The following ANO1 variants were observed in gnomAD, a reference collection of about 807,000 sequenced individuals.
ANO1 encodes the protein anoctamin-1.
In ANO1, 59 loss-of-function variants were observed where a neutral mutation model predicts 124.0. The observed-to-expected ratio is 0.48, with a 90% CI of 0.39 to 0.59. The LOEUF (loss-of-function observed/expected upper bound fraction) is 0.59, where lower values mean the gene tolerates loss of function less well. ANO1 is among the 20% of genes least tolerant of loss of function. The probability of loss-of-function intolerance (pLI) is 0.00; values close to 1 mark genes in which losing one functional copy is unlikely to be tolerated. For missense variants in ANO1, 1,059 were observed against 1,328.0 expected (o/e 0.80, Z 3.15); for synonymous variants, 529 against 532.0 (o/e 0.99, Z 0.08).
intron 1 of ANO1, among the ~76,000 whole-genome samples, chr11:70,032,503 A>C (rs1026670895): frequency 6.7e-6 from 1 of 149,786 alleles, no homozygotes; most frequent in Non-Finnish European, 1.5e-5. Flanking sequence ...GGGAGCAAAA[A>C]AGATGGGAGA....
At chr11:70,159,546 C>A (rs2047961229) in intron 16 of ANO1, among the ~76,000 whole-genome samples, 1 of 152,234 alleles carries the variant, frequency 6.6e-6, no homozygotes, top group African/African-American at 2.4e-5. Context: ...GAGTTTCATT[C>A]AGCGAACAAA....
upstream of ANO1, among the ~76,000 whole-genome samples, chr11:69,983,101 T>C (rs143287275): frequency 2.9e-3 from 440 of 152,046 alleles, 4 homozygotes; most frequent in Non-Finnish European, 4.6e-3. Context: ...CCCAGCAGCA[T>C]TGGGGAGCAG....
chr11:70,177,594 C>CTTTTTTTTTTT (rs57647858), intron 22 of ANO1, among the ~76,000 whole-genome samples: 403 of 78,874 alleles, frequency 5.1e-3, no homozygotes, highest in Non-Finnish European at 6.1e-3. Context: ...TTTTTTTTTT[C>CTTTTTTTTTTT]TTTTTTTTTT....
intron 24 of ANO1, among the ~76,000 whole-genome samples, chr11:70,183,161 T>G (rs2048993507): frequency 6.6e-6 from 1 of 152,132 alleles, no homozygotes; most frequent in Non-Finnish European, 1.5e-5. Flanking sequence ...ATTTACCAGT[T>G]CCTGTAACTA....
At chr11:70,032,536 G>C (rs1020099265) in intron 1 of ANO1, among the ~76,000 whole-genome samples, 3 of 74,656 alleles carry the variant, frequency 4.0e-5, no homozygotes, top group South Asian at 1.4e-3. Flanking sequence ...AGGCGGGAGA[G>C]GGGGGGGGTC....
intron 1 of ANO1, among the ~76,000 whole-genome samples, chr11:70,048,101 ATAT>A (rs1267526937): frequency 6.6e-6 from 1 of 152,184 alleles, no homozygotes; most frequent in Admixed American, 6.5e-5. Context: ...GTTTTATGAG[ATAT>A]TATTTTTGTC....
At chr11:70,049,485 T>G (rs377739918) in intron 1 of ANO1, among the ~76,000 whole-genome samples, 1 of 152,224 alleles carries the variant, frequency 6.6e-6, no homozygotes, top group African/African-American at 2.4e-5. Context: ...ATAGCTGGCA[T>G]GGAATAAGTG....
intron 1 of ANO1, among the ~76,000 whole-genome samples, chr11:70,068,877 G>T (rs1033809278): frequency 6.6e-6 from 1 of 152,140 alleles, no homozygotes; most frequent in Non-Finnish European, 1.5e-5. Context: ...AGTAGGGAAG[G>T]AAGGCTGTTA....
chr11:70,100,943 G>T (rs974852489), intron 2 of ANO1, among the ~76,000 whole-genome samples: 1 of 152,226 alleles, frequency 6.6e-6, no homozygotes, highest in Admixed American at 6.5e-5. Flanking sequence ...AGGCCTGAGC[G>T]GTGGTGCTGG....
chr11:70,010,054 A>G (rs1260296771), intron 1 of ANO1, among the ~76,000 whole-genome samples: 3 of 151,710 alleles, frequency 2.0e-5, no homozygotes, highest in African/African-American at 7.3e-5. Flanking sequence ...TACTTCCCTT[A>G]GAATAATGAT....
intron 1 of ANO1, among the ~76,000 whole-genome samples, chr11:70,086,297 G>A (rs1402373932): frequency 6.6e-6 from 1 of 152,138 alleles, no homozygotes. Context: ...CTTGATAACC[G>A]GCCAAACCCC....
intron 1 of ANO1, among the ~76,000 whole-genome samples, chr11:69,998,577 G>A (rs568101132): frequency 6.6e-6 from 1 of 152,250 alleles, no homozygotes; most frequent in South Asian, 2.1e-4. Context: ...ATATTTTTAT[G>A]GATGTGTGTT....
intron 1 of ANO1, among the ~76,000 whole-genome samples, chr11:70,034,932 T>C (rs1196717737): frequency 1.3e-5 from 2 of 151,232 alleles, no homozygotes; most frequent in African/African-American, 4.9e-5. Context: ...ACTATTGTTC[T>C]TGCCGCATCC....
At chr11:70,132,534 G>A (rs1056613329) in intron 11 of ANO1, among the ~76,000 whole-genome samples, 2 of 152,194 alleles carry the variant, frequency 1.3e-5, no homozygotes, top group Admixed American at 6.5e-5. Context: ...GCCCATTTTC[G>A]GATAAGGAGG....
At chr11:70,129,763 A>C (rs1205298703) in intron 10 of ANO1, 1 of 152,148 alleles carries the variant, frequency 6.6e-6, no homozygotes, top group Non-Finnish European at 1.5e-5. Flanking sequence ...AGCTGGGATT[A>C]CAGGCTGGGA....
chr11:70,032,447 C>A (rs77305107), intron 1 of ANO1, among the ~76,000 whole-genome samples: 2 of 151,798 alleles, frequency 1.3e-5, no homozygotes, highest in East Asian at 3.9e-4. Context: ...TGGTGTGATT[C>A]TGTCTGGAGA....
chr11:70,091,986 A>G (rs1183803020), intron 2 of ANO1, among the ~76,000 whole-genome samples: 1 of 152,174 alleles, frequency 6.6e-6, no homozygotes, highest in Non-Finnish European at 1.5e-5. Flanking sequence ...AACAACACAG[A>G]TGGATGCTGT....
At chr11:70,012,512 A>ATCCATCCATCCGTCCATTGT (rs1856616616) in intron 1 of ANO1, among the ~76,000 whole-genome samples, 1 of 145,278 alleles carries the variant, frequency 6.9e-6, no homozygotes, top group Admixed American at 6.8e-5. Context: ...CCATTCTTTC[A>ATCCATCCATCCGTCCATTGT]TCCATCCATC....
At chr11:70,058,431 C>T (rs556139158) in intron 1 of ANO1, among the ~76,000 whole-genome samples, 21 of 152,234 alleles carry the variant, frequency 1.4e-4, no homozygotes, top group African/African-American at 2.6e-4. Flanking sequence ...GGAGGACAAC[C>T]GCAGCTAAAG....
Sources: gnomAD v4.1 joint callset for allele counts (sites outside exome capture counted in the v4.1 genomes callset) on GRCh38, gnomAD v4.1.1 for gene constraint, MANE v1.5 for transcripts, NCBI Gene and HGNC (gene_info 2026-07-23, HGNC 2026-07-21) for gene names.